TACC2: variants seen among roughly 807,000 people sequenced by gnomAD.
TACC2 encodes the protein transforming acidic coiled-coil-containing protein 2.
In TACC2, 137 loss-of-function variants were observed where a neutral mutation model predicts 227.3. That is an observed-to-expected ratio of 0.60 (90% CI 0.52 to 0.69). The LOEUF is 0.69. TACC2 is among the 30% of genes least tolerant of loss of function. TACC2 has a pLI of 0.00. For synonymous variants in TACC2, 1,523 were observed against 1,487.5 expected, an observed-to-expected ratio of 1.02 and a Z score of -0.55; for missense variants, 3,470 against 3,694.4, an observed-to-expected ratio of 0.94 and a Z score of 1.57.
intron 19 of TACC2, chr10:122,247,788 A>C (rs919342924): frequency 3.9e-5 from 6 of 152,222 alleles, no homozygotes; most frequent in Admixed American, 3.9e-4. Flanking sequence ...CCTGCCTTTC[A>C]GGTACTATGC....
chr10:122,194,906 C>A lies in TACC2; in HGVS notation c.5835-134C>A, dbSNP rs2094515817. ...GAATCACGACTGAGAAAATGACTTT[C>A]CTCTCATCTGTCCCTGCACAGTTTA... On this transcript the variant is annotated intron_variant, in intron 7 of 22. Transcript: ENST00000369005. The surrounding 1 kb of genome is among the most constrained non-coding windows in gnomAD (Gnocchi z 4.4). 1 of 775,948 alleles carries A rather than the reference C, an allele frequency of 1.3e-6. No individual in the cohort carries two copies. The highest frequency in any genetic ancestry group is 2.6e-5 in the Admixed American group (1 of 39,032). 48.1% of individuals were successfully genotyped at this position (775,948 alleles called of 1,614,324 possible).
chr10:122,167,794 A>G (rs2093261094), intron 7 of TACC2, among the ~76,000 whole-genome samples: 1 of 152,228 alleles, frequency 6.6e-6, no homozygotes, highest in Middle Eastern at 3.2e-3. Flanking sequence ...CCTATGCCTG[A>G]AATTGCCAGC....
intron 21 of TACC2, 138 bp downstream of exon 21, chr10:122,249,294 C>G (rs2096201911): frequency 1.4e-6 from 1 of 737,524 alleles, no homozygotes. Flanking sequence ...CAATAAGACT[C>G]GAGAGAAGGC....
At chr10:122,120,176 G>A (rs2085462061) in intron 5 of TACC2, among the ~76,000 whole-genome samples, 1 of 152,168 alleles carries the variant, frequency 6.6e-6, no homozygotes, top group Admixed American at 6.5e-5. Context: ...AGCTGGAGCT[G>A]TGAGTCAGCA....
chr10:122,172,095 G>A (rs183930849), intron 7 of TACC2, among the ~76,000 whole-genome samples: 73 of 152,292 alleles, frequency 4.8e-4, no homozygotes, highest in Non-Finnish European at 1.6e-4. Context: ...CACCTGTTGA[G>A]ACTGGCCTGA....
intron 2 of TACC2, among the ~76,000 whole-genome samples, chr10:122,049,962 C>T (rs553756388): frequency 2.6e-5 from 4 of 152,138 alleles, no homozygotes; most frequent in South Asian, 4.2e-4. Context: ...GATTTCTAAG[C>T]GTTCATGGTT....
At chr10:121,991,016 C>A (rs1271970694) in intron 1 of TACC2, among the ~76,000 whole-genome samples, 2 of 152,038 alleles carry the variant, frequency 1.3e-5, no homozygotes, top group Non-Finnish European at 2.9e-5. Context: ...AAACTCCTGA[C>A]CTCAAGTGAT....
chr10:122,137,858 A>G (rs1453463207), intron 6 of TACC2, among the ~76,000 whole-genome samples: 2 of 152,168 alleles, frequency 1.3e-5, no homozygotes, highest in South Asian at 2.1e-4. Context: ...AGGTTTGAGC[A>G]GCTCATCACA....
chr10:122,063,986 AC>A (rs2077123761), intron 3 of TACC2, among the ~76,000 whole-genome samples: 1 of 151,812 alleles, frequency 6.6e-6, no homozygotes. Flanking sequence ...ACATGGTGAA[AC>A]CCCGTCTCTA....
At chr10:122,171,468 T>G (rs1241253617) in intron 7 of TACC2, among the ~76,000 whole-genome samples, 1 of 152,186 alleles carries the variant, frequency 6.6e-6, no homozygotes, top group Non-Finnish European at 1.5e-5. Context: ...CTGGGCCAAG[T>G]TTACCATCAA....
chr10:122,033,136 A>G, intron 2 of TACC2: 2 of 1,289,326 alleles, frequency 1.6e-6, no homozygotes, highest in African/African-American at 3.0e-5. Flanking sequence ...GTGGCCTCCA[A>G]ACCCTGAGCC....
chr10:122,081,788 C>T (rs776189909), intron 3 of TACC2, among the ~76,000 whole-genome samples: 2 of 152,108 alleles, frequency 1.3e-5, no homozygotes, highest in Non-Finnish European at 2.9e-5. Context: ...AGGTCACGTG[C>T]GGAAATTCCA....
Position 121,989,378 on chromosome 10 carries a change from G to A in TACC2, c.-156G>A, listed in dbSNP as rs1052311422. On this transcript the variant is annotated 5_prime_UTR_variant, in exon 1 of 23. Transcript: ENST00000369005. ...CACTCCTGCTCTAAAAGTTATCTTG[G>A]TTTCTTACTCTACCTTATGCCCCTT... 9 of 152,196 alleles carry A rather than the reference G, an allele frequency of 5.9e-5. No homozygotes were observed. Among genetic ancestry groups the A allele is most frequent in the African/African-American group, 2.2e-4 (9 of 41,436 alleles). 9.4% of individuals were successfully genotyped at this position (152,196 alleles called of 1,614,324 possible).
chr10:122,088,374 C>A, intron 4 of TACC2, 104 bp from the exon 5 acceptor site: 4 of 1,046,498 alleles, frequency 3.8e-6, no homozygotes, highest in South Asian at 1.8e-5. Flanking sequence ...TTTGTAGTAG[C>A]CACTTAAAAC....
At chr10:122,027,191 A>G (rs994221534) in intron 2 of TACC2, among the ~76,000 whole-genome samples, 28 of 152,154 alleles carry the variant, frequency 1.8e-4, no homozygotes, top group Admixed American at 1.3e-3. Context: ...TTTAATTTGC[A>G]TTTCTCTGTT....
chr10:122,111,407 G>A (rs926381384), intron 5 of TACC2, among the ~76,000 whole-genome samples: 4 of 152,336 alleles, frequency 2.6e-5, no homozygotes, highest in Admixed American at 2.0e-4. Flanking sequence ...ATCTTAGCTC[G>A]TTGCCCAGTT....
intron 16 of TACC2, among the ~76,000 whole-genome samples, chr10:122,232,090 C>T (rs1255049408): frequency 6.6e-6 from 1 of 152,230 alleles, no homozygotes; most frequent in African/African-American, 2.4e-5. Flanking sequence ...AAGGCAGGGA[C>T]AAGAATGTCA....
chr10:122,142,203 T>C (rs2090676641), intron 6 of TACC2, among the ~76,000 whole-genome samples: 1 of 152,218 alleles, frequency 6.6e-6, no homozygotes, highest in African/African-American at 2.4e-5. Flanking sequence ...TTTTCCTCTG[T>C]GGAGCCCCGA....
chr10:122,247,289 T>C (rs866545012), intron 19 of TACC2: 1 of 152,186 alleles, frequency 6.6e-6, no homozygotes, highest in Non-Finnish European at 1.5e-5. Flanking sequence ...CCAGATGTGA[T>C]CTGTCTATGG....
Sources: gnomAD v4.1 joint callset for allele counts (sites outside exome capture counted in the v4.1 genomes callset) on GRCh38, gnomAD v4.1.1 for gene constraint, Gnocchi (gnomAD v3.1) non-coding constraint, MANE v1.5 for transcripts, NCBI Gene and HGNC (gene_info 2026-07-23, HGNC 2026-07-21) for gene names.